Variants in EXOC6B observed in about 807,000 individuals in gnomAD.
EXOC6B encodes the protein SEC15 homolog B.
Under a neutral mutation model 113.5 loss-of-function variants are expected in EXOC6B, and 54 were observed. The observed-to-expected ratio is 0.48, with a 90% CI of 0.38 to 0.60. EXOC6B has a LOEUF of 0.60. Ranked by LOEUF, EXOC6B falls within the 20% of genes least tolerant of loss-of-function variation. The pLI is 0.00. For missense variants in EXOC6B, 797 were observed against 977.5 expected, an observed-to-expected ratio of 0.82 and a Z score of 2.46; for synonymous variants, 357 against 339.0, an observed-to-expected ratio of 1.05 and a Z score of -0.58.
At chr2:72,472,047 C>T (rs2105450223) in intron 17 of EXOC6B, among the ~76,000 whole-genome samples, 1 of 152,026 alleles carries the variant, frequency 6.6e-6, no homozygotes, top group South Asian at 2.1e-4. Flanking sequence ...TATACTAAAC[C>T]ATCCTTGCAC....
chr2:72,495,085 T>A (rs754257292), intron 15 of EXOC6B, among the ~76,000 whole-genome samples: 2 of 152,076 alleles, frequency 1.3e-5, no homozygotes, highest in African/African-American at 4.8e-5. Flanking sequence ...CTTGAACTCC[T>A]GGATTCAAGC....
intron 8 of EXOC6B, among the ~76,000 whole-genome samples, chr2:72,542,221 T>C (rs1199973719): frequency 1.3e-5 from 2 of 152,172 alleles, no homozygotes; most frequent in Non-Finnish European, 1.5e-5. Context: ...CAGCTCCTTC[T>C]ATGTGGTGAG....
intron 20 of EXOC6B, among the ~76,000 whole-genome samples, chr2:72,264,285 T>A (rs1454088766): frequency 2.0e-5 from 3 of 152,092 alleles, no homozygotes; most frequent in Non-Finnish European, 4.4e-5. Flanking sequence ...AACATATACC[T>A]TGAGGCCAGG....
At chr2:72,487,179 G>A (rs1699473070) in intron 16 of EXOC6B, among the ~76,000 whole-genome samples, 1 of 152,046 alleles carries the variant, frequency 6.6e-6, no homozygotes, top group South Asian at 2.1e-4. Context: ...ACTACTAATT[G>A]AACGCCATAC....
At position 72,531,283 on chromosome 2, in the gene EXOC6B, T is replaced by C. The variant is rs145042205; in HGVS notation, c.916-16157A>G. On this transcript the variant is annotated intron_variant, in intron 8 of 21. Coordinates refer to ENST00000272427, the MANE Select transcript of EXOC6B (RefSeq NM_015189.3). Reference sequence around the variant, plus strand: ...TAGATATTACATTATATAGACATAATTTACCATAGGATACTGGTGTTTCCA... The same window carrying C: ...TAGATATTACATTATATAGACATAACTTACCATAGGATACTGGTGTTTCCA... Among the ~76,000 whole-genome samples the C allele has an allele frequency of 3.3e-3, 509 of 152,308 alleles. 1 individual carries two copies. The highest frequency in any genetic ancestry group is 6.3e-3 in the Non-Finnish European group (430 of 67,998).
chr2:72,386,529 C>A (rs1027604272), intron 18 of EXOC6B, among the ~76,000 whole-genome samples: 5 of 152,214 alleles, frequency 3.3e-5, no homozygotes, highest in Non-Finnish European at 5.9e-5. Context: ...CCTCACTACC[C>A]TGTGCAGCCT....
At chr2:72,498,906 A>G (rs1225134996) in intron 12 of EXOC6B, among the ~76,000 whole-genome samples, 1 of 152,168 alleles carries the variant, frequency 6.6e-6, no homozygotes, top group East Asian at 1.9e-4. Context: ...AATGCTTCGA[A>G]TCTCATCCAC....
chr2:72,177,322 T>C lies in EXOC6B; in HGVS notation c.*2013A>G, dbSNP rs1204761190. The C allele has an allele frequency of 6.6e-6, 1 of 152,214 alleles. No individual in the cohort carries two copies. Among genetic ancestry groups the C allele is most frequent in the African/African-American group, 2.4e-5 (1 of 41,450 alleles). 9.4% of individuals were successfully genotyped at this position (152,214 alleles called of 1,614,324 possible). On this transcript the variant is annotated 3_prime_UTR_variant, in exon 22 of 22. Transcript: ENST00000272427. ...TGTGCCATGCTTACACATCTCTCCA[T>C]TTCCACTTCAAAGTCTCTCAGCACT...
At chr2:72,612,165 C>A (rs1671113669) in intron 6 of EXOC6B, among the ~76,000 whole-genome samples, 3 of 151,992 alleles carry the variant, frequency 2.0e-5, no homozygotes, top group South Asian at 4.1e-4. Context: ...GTCCCAGCTA[C>A]TCGGAAGGCT....
At chr2:72,692,140 G>A (rs942001938) in intron 6 of EXOC6B, among the ~76,000 whole-genome samples, 11 of 151,936 alleles carry the variant, frequency 7.2e-5, no homozygotes, top group Non-Finnish European at 1.3e-4. Context: ...TGAGGTGAAA[G>A]TGTTAATTAT....
At chr2:72,586,905 A>G (rs1376198387) in intron 6 of EXOC6B, among the ~76,000 whole-genome samples, 2 of 152,202 alleles carry the variant, frequency 1.3e-5, no homozygotes, top group Non-Finnish European at 2.9e-5. Context: ...TAAAAAGTCA[A>G]AAAACAACAG....
At chr2:72,357,954 G>A (rs1690069943) in intron 19 of EXOC6B, among the ~76,000 whole-genome samples, 2 of 151,924 alleles carry the variant, frequency 1.3e-5, no homozygotes, top group Admixed American at 6.6e-5. Context: ...ACCACCTTAC[G>A]AAGCACTTCT....
chr2:72,683,082 C>T (rs1435642354), intron 6 of EXOC6B, among the ~76,000 whole-genome samples: 1 of 152,176 alleles, frequency 6.6e-6, no homozygotes, highest in African/African-American at 2.4e-5. Context: ...TAATGTCATA[C>T]TAACCTCACT....
chr2:72,363,901 G>T (rs1467048671), intron 19 of EXOC6B, among the ~76,000 whole-genome samples: 1 of 151,958 alleles, frequency 6.6e-6, no homozygotes, highest in Non-Finnish European at 1.5e-5. Context: ...AATATCTCAG[G>T]CTCTTGGTAG....
chr2:72,459,598 A>G (rs143118017), intron 18 of EXOC6B, among the ~76,000 whole-genome samples: 20,601 of 152,136 alleles, frequency 0.14, 1,723 homozygotes, highest in African/African-American at 0.24. Flanking sequence ...GTGAACTCTC[A>G]TTCACAATTG....
intron 18 of EXOC6B, among the ~76,000 whole-genome samples, chr2:72,445,675 A>C (rs1030170493): frequency 6.6e-6 from 1 of 152,134 alleles, no homozygotes; most frequent in Non-Finnish European, 1.5e-5. Context: ...AGATCTCATG[A>C]GACTTATTCA....
intron 6 of EXOC6B, among the ~76,000 whole-genome samples, chr2:72,675,386 C>T (rs1194344442): frequency 1.3e-5 from 2 of 152,206 alleles, no homozygotes; most frequent in East Asian, 3.8e-4. Context: ...AATGACTGTG[C>T]AAACTGGATT....
intron 20 of EXOC6B, chr2:72,289,034 G>T: frequency 6.9e-6 from 2 of 288,448 alleles, no homozygotes; most frequent in South Asian, 9.1e-5. Flanking sequence ...TCATTGTATT[G>T]ACAACCTCAG....
chr2:72,371,263 A>C (rs974572583), intron 19 of EXOC6B, among the ~76,000 whole-genome samples: 8 of 152,152 alleles, frequency 5.3e-5, no homozygotes, highest in African/African-American at 1.9e-4. Flanking sequence ...TCTATCAAAC[A>C]TCTAAAGAAG....
Sources: gnomAD v4.1 joint callset for allele counts (sites outside exome capture counted in the v4.1 genomes callset) on GRCh38, gnomAD v4.1.1 for gene constraint, MANE v1.5 for transcripts, NCBI Gene and HGNC (gene_info 2026-07-23, HGNC 2026-07-21) for gene names.